FGF14: variants seen among roughly 807,000 people sequenced by gnomAD.
The protein encoded by FGF14 is fibroblast growth factor 14.
In FGF14, 5 loss-of-function variants were observed where a neutral mutation model predicts 25.5. That is an observed-to-expected ratio of 0.20 (90% CI 0.10 to 0.41). The LOEUF is 0.41. Ranked by LOEUF, FGF14 falls within the 10% of genes least tolerant of loss-of-function variation. The pLI, the probability that FGF14 is intolerant of heterozygous loss-of-function variation, is 1.00. For missense variants in FGF14, 222 were observed against 320.1 expected (o/e 0.69, Z 2.34); for synonymous variants, 138 against 118.3 (o/e 1.17, Z -1.08).
chr13:101,896,455 C>T (rs76025080), intron 1 of FGF14, among the ~76,000 whole-genome samples: 75 of 152,186 alleles, frequency 4.9e-4, no homozygotes, highest in African/African-American at 1.6e-3. Flanking sequence ...GGGTCATATC[C>T]GCAGACTTTG....
At chr13:102,401,811 T>A (rs1045527770), upstream of FGF14, 4 of 788,322 alleles carry the variant, frequency 5.1e-6, no homozygotes, top group Middle Eastern at 3.4e-4. Flanking sequence ...ACCACCGGAT[T>A]ATTACCAAAG....
rs570278303 is a variant in FGF14, at chr13:102,132,393, G to A, written c.209-257097C>T. On this transcript the variant is annotated intron_variant, in intron 1 of 4. Coordinates refer to the FGF14 transcript ENST00000376131. ...TAAGACATAATTAACTCAATCTGAG[G>A]TCCAAACTAAAGCAGCTAATGACAG... Among the ~76,000 whole-genome samples, 229 of 152,184 alleles carry A rather than the reference G, an allele frequency of 1.5e-3. 1 individual carries two copies. Among genetic ancestry groups the A allele is most frequent in the African/African-American group, 5.3e-3 (221 of 41,514 alleles).
At chr13:102,019,850 T>C (rs770028716) in intron 1 of FGF14, among the ~76,000 whole-genome samples, 3 of 152,174 alleles carry the variant, frequency 2.0e-5, no homozygotes, top group Non-Finnish European at 2.9e-5. Context: ...TGGACTCGTA[T>C]TGTTGCCAAG....
chr13:102,233,869 G>A (rs2051200051), intron 1 of FGF14, among the ~76,000 whole-genome samples: 1 of 152,170 alleles, frequency 6.6e-6, no homozygotes, highest in African/African-American at 2.4e-5. Context: ...GACTTTTAAT[G>A]TGCTTCTAAT....
intron 2 of FGF14, among the ~76,000 whole-genome samples, chr13:101,870,953 AAAATAAAT>A (rs574692031): frequency 2.7e-5 from 4 of 148,654 alleles, no homozygotes; most frequent in Admixed American, 6.8e-5. Flanking sequence ...CTCCATCTCA[AAAATAAAT>A]AAATAAATAA....
rs1555369389 is a variant in FGF14 at position 102,161,570 on chromosome 13, A to AAAGAAGAAGAAAG, written c.208+239900_208+239901insCTTTCTTCTTCTT. On this transcript the variant is annotated intron_variant, in intron 1 of 4. Transcript: ENST00000376131. ...TCTATGCAACCAACTTTCTGTGAAG[A>AAAGAAGAAGAAAG]AAGAAAGAAGAAGAAGAAGAAGAAG... 5.3e-4 allele frequency among the ~76,000 whole-genome samples: 3 copies of AAAGAAGAAGAAAG among 5,652 alleles called. 1 individual carries two copies. Among genetic ancestry groups the AAAGAAGAAGAAAG allele is most frequent in the Non-Finnish European group, 4.8e-4 (2 of 4,184 alleles). The allele number at this position is 5,652 out of a possible 152,430, so 3.7% of individuals were successfully genotyped here. A position where few individuals can be genotyped will look rare whatever the true frequency, so the allele number is the denominator to read the frequency against.
chr13:102,145,634 T>C (rs762025149), intron 1 of FGF14, among the ~76,000 whole-genome samples: 1 of 152,190 alleles, frequency 6.6e-6, no homozygotes, highest in Non-Finnish European at 1.5e-5. Context: ...AGTCTTTATA[T>C]TGCAAAATCA....
intron 1 of FGF14, among the ~76,000 whole-genome samples, chr13:102,028,481 G>T (rs907469993): frequency 6.6e-6 from 1 of 152,066 alleles, no homozygotes; most frequent in African/African-American, 2.4e-5. Flanking sequence ...ATGATGAGAA[G>T]CAAGTTTCTG....
intron 1 of FGF14, among the ~76,000 whole-genome samples, chr13:101,907,489 G>A (rs898223997): frequency 3.9e-5 from 6 of 152,162 alleles, no homozygotes; most frequent in South Asian, 4.1e-4. Context: ...AATACTATAC[G>A]GGTAGGATAA....
intron 1 of FGF14, among the ~76,000 whole-genome samples, chr13:101,928,794 A>G (rs1013349205): frequency 1.3e-5 from 2 of 152,172 alleles, no homozygotes; most frequent in Admixed American, 6.5e-5. Flanking sequence ...CTTGGCTACA[A>G]TGCAGAAGAG....
At chr13:102,030,972 C>T (rs944052099) in intron 1 of FGF14, among the ~76,000 whole-genome samples, 4 of 152,072 alleles carry the variant, frequency 2.6e-5, no homozygotes, top group Non-Finnish European at 5.9e-5. Flanking sequence ...GCTGTCTCCC[C>T]ATGAAACATG....
intron 3 of FGF14, among the ~76,000 whole-genome samples, chr13:101,842,448 G>A (rs967845144): frequency 6.6e-6 from 1 of 151,970 alleles, no homozygotes; most frequent in Non-Finnish European, 1.5e-5. Flanking sequence ...AAGCCCACAA[G>A]GGCAGGAGTG....
intron 1 of FGF14, among the ~76,000 whole-genome samples, chr13:102,143,935 T>C (rs1004755472): frequency 6.6e-6 from 1 of 152,158 alleles, no homozygotes; most frequent in African/African-American, 2.4e-5. Context: ...TATTATACAG[T>C]TTCCTACAAA....
At chr13:102,302,167 A>G (rs1270752754) in intron 1 of FGF14, among the ~76,000 whole-genome samples, 1 of 152,172 alleles carries the variant, frequency 6.6e-6, no homozygotes, top group Non-Finnish European at 1.5e-5. Flanking sequence ...TTTTTAAAAT[A>G]CTATATCTAG....
intron 1 of FGF14, among the ~76,000 whole-genome samples, chr13:102,326,735 GAAGGAAGGAAGGAAGGAAA>G (rs2056458716): frequency 2.0e-5 from 2 of 100,840 alleles, no homozygotes; most frequent in African/African-American, 8.0e-5. Context: ...AGGAAGGAAG[GAAGGAAGGAAGGAAGGAAA>G]GAGGGAGGGA....
At chr13:102,084,926 C>A (rs2043820101) in intron 1 of FGF14, among the ~76,000 whole-genome samples, 1 of 152,178 alleles carries the variant, frequency 6.6e-6, no homozygotes, top group Admixed American at 6.5e-5. Context: ...ATTTTCAATG[C>A]CTCCTACTAT....
At chr13:102,339,402 T>G (rs1318292624) in intron 1 of FGF14, among the ~76,000 whole-genome samples, 1 of 152,078 alleles carries the variant, frequency 6.6e-6, no homozygotes, top group African/African-American at 2.4e-5. Flanking sequence ...AACAAAAGAA[T>G]TTGTATGGAA....
chr13:101,987,335 C>T (rs899076662), intron 1 of FGF14, among the ~76,000 whole-genome samples: 6 of 152,082 alleles, frequency 3.9e-5, no homozygotes, highest in South Asian at 2.1e-4. Context: ...CACACTGGTG[C>T]TCCTGCTCAG....
chr13:101,876,431 G>A, intron 1 of FGF14, among the ~76,000 whole-genome samples: 1 of 152,130 alleles, frequency 6.6e-6, no homozygotes, highest in East Asian at 1.9e-4. Context: ...CTTGCAAATA[G>A]GTGAAGACAA....
Sources: gnomAD v4.1 joint callset for allele counts (sites outside exome capture counted in the v4.1 genomes callset) on GRCh38, gnomAD v4.1.1 for gene constraint, MANE v1.5 for transcripts, NCBI Gene and HGNC (gene_info 2026-07-23, HGNC 2026-07-21) for gene names.